Variants in TMEM272 observed in about 807,000 individuals in gnomAD.
TMEM272 encodes the protein long intergenic non-protein coding RNA 282.
In TMEM272, 8 loss-of-function variants were observed where a neutral mutation model predicts 3.7. The ratio of observed to expected loss-of-function variants is 2.17; its 90% CI spans 1.27 to 3.91. The LOEUF (loss-of-function observed/expected upper bound fraction) is 3.91, where lower values mean the gene tolerates loss of function less well. Among genes scored for constraint, TMEM272 ranks in the 30% most tolerant of loss-of-function variants. TMEM272 has a pLI of 0.00. For synonymous variants in TMEM272, 63 were observed against 39.8 expected (o/e 1.58, Z -2.20); for missense variants, 166 against 91.5 (o/e 1.81, Z -3.32).
At chr13:51,892,443 C>T in the TMEM272 span, among the ~76,000 whole-genome samples, 1 of 152,160 alleles carries the variant, frequency 6.6e-6, no homozygotes, top group African/African-American at 2.4e-5. Flanking sequence ...CTTTCAGACC[C>T]ATTACCCACC....
At chr13:51,917,563 C>A in the TMEM272 span, among the ~76,000 whole-genome samples, 1 of 152,154 alleles carries the variant, frequency 6.6e-6, no homozygotes, top group Non-Finnish European at 1.5e-5. Flanking sequence ...TAGGGAAACC[C>A]ACACGCTACT....
At chr13:51,908,756 G>C in the TMEM272 span, 2 of 1,462,048 alleles carry the variant, frequency 1.4e-6, no homozygotes, top group South Asian at 1.1e-5. Flanking sequence ...AATAAAATCT[G>C]TCTTGCCTTT....
chr13:51,836,142 G>C (rs1386505376), intron 2 of TMEM272, among the ~76,000 whole-genome samples: 1 of 152,182 alleles, frequency 6.6e-6, no homozygotes, highest in Non-Finnish European at 1.5e-5. Context: ...CAGGCCCTGG[G>C]AGCAGAGTAA....
the TMEM272 span, among the ~76,000 whole-genome samples, chr13:51,859,338 T>C: frequency 1.3e-5 from 2 of 152,090 alleles, no homozygotes; most frequent in African/African-American, 2.4e-5. Flanking sequence ...TTGGGTCACA[T>C]GCATGTGACT....
At chr13:51,883,274 C>T in the TMEM272 span, among the ~76,000 whole-genome samples, 2 of 152,222 alleles carry the variant, frequency 1.3e-5, no homozygotes, top group Non-Finnish European at 1.5e-5. Flanking sequence ...CTCAACTGCC[C>T]CCAGCTCAGT....
chr13:51,923,552 C>T, the TMEM272 span, among the ~76,000 whole-genome samples: 5 of 152,118 alleles, frequency 3.3e-5, no homozygotes, highest in African/African-American at 9.7e-5. Context: ...CACTCAGATG[C>T]TTTGGGGCTG....
chr13:51,840,564 C>A (rs1175681007), intron 1 of TMEM272, among the ~76,000 whole-genome samples: 2 of 152,172 alleles, frequency 1.3e-5, no homozygotes, highest in Non-Finnish European at 2.9e-5. Flanking sequence ...TCTGACCCCC[C>A]AATCCCTGGG....
At chr13:51,878,841 C>T in the TMEM272 span, among the ~76,000 whole-genome samples, 1 of 152,020 alleles carries the variant, frequency 6.6e-6, no homozygotes, top group Non-Finnish European at 1.5e-5. Context: ...TTTCTTGTTC[C>T]TATTTAATGT....
intron 1 of TMEM272, among the ~76,000 whole-genome samples, chr13:51,844,118 T>C (rs1956283778): frequency 7.2e-6 from 1 of 138,548 alleles, no homozygotes; most frequent in South Asian, 2.6e-4. Flanking sequence ...TCTATGTCTG[T>C]CTAACATTCC....
At chr13:51,883,931 G>A in the TMEM272 span, among the ~76,000 whole-genome samples, 2 of 152,074 alleles carry the variant, frequency 1.3e-5, no homozygotes. Flanking sequence ...CATCCATTCT[G>A]CTCTTTCCCT....
chr13:51,833,993 T>C (rs1236672433), intron 2 of TMEM272, among the ~76,000 whole-genome samples: 1 of 152,078 alleles, frequency 6.6e-6, no homozygotes, highest in Non-Finnish European at 1.5e-5. Context: ...TTCCCTGCAG[T>C]GTCCAAAAGG....
intron 3 of TMEM272, among the ~76,000 whole-genome samples, chr13:51,823,083 A>AT (rs1416609827): frequency 2.6e-5 from 4 of 151,836 alleles, no homozygotes; most frequent in Admixed American, 6.6e-5. Context: ...CAAAGCATTT[A>AT]TTTTTTTTGA....
the TMEM272 span, among the ~76,000 whole-genome samples, chr13:51,888,810 T>C: frequency 6.6e-6 from 1 of 151,892 alleles, no homozygotes; most frequent in Non-Finnish European, 1.5e-5. Context: ...CACGCCTGGC[T>C]AATTTTTTGT....
chr13:51,929,362 G>A, the TMEM272 span, among the ~76,000 whole-genome samples: 6 of 152,204 alleles, frequency 3.9e-5, no homozygotes, highest in Non-Finnish European at 7.3e-5. Context: ...TGCATATATT[G>A]TAGCATGGAG....
At chr13:51,873,525 G>C in the TMEM272 span, among the ~76,000 whole-genome samples, 8 of 152,160 alleles carry the variant, frequency 5.3e-5, no homozygotes, top group East Asian at 3.8e-4. Flanking sequence ...TCATACATCG[G>C]AATCAACCGG....
the TMEM272 span, among the ~76,000 whole-genome samples, chr13:51,920,391 G>T: frequency 2.6e-5 from 4 of 152,272 alleles, no homozygotes; most frequent in South Asian, 8.3e-4. Flanking sequence ...GCCCTGAGGA[G>T]GGTCTGGGTA....
the TMEM272 span, among the ~76,000 whole-genome samples, chr13:51,863,284 C>T: frequency 1.3e-5 from 2 of 152,142 alleles, no homozygotes; most frequent in African/African-American, 2.4e-5. Flanking sequence ...CTTCCTAGGG[C>T]GTTCAGCTTT....
chr13:51,845,509 G>A (rs779701929), upstream of TMEM272, among the ~76,000 whole-genome samples: 2 of 151,996 alleles, frequency 1.3e-5, no homozygotes, highest in Non-Finnish European at 2.9e-5. Flanking sequence ...TACTCAAAGT[G>A]GGCTGAGGTA....
the TMEM272 span, among the ~76,000 whole-genome samples, chr13:51,870,804 T>TG: frequency 4.6e-5 from 7 of 152,264 alleles, no homozygotes; most frequent in African/African-American, 1.7e-4. Context: ...CGGGGATAGA[T>TG]GGAGCCAAGG....
Sources: allele counts gnomAD v4.1 joint callset (sites outside exome capture counted in the v4.1 genomes callset), GRCh38; gene constraint gnomAD v4.1.1; transcripts MANE v1.5; gene names NCBI Gene and HGNC (gene_info 2026-07-23, HGNC 2026-07-21).